The following C3orf20 variants were observed in gnomAD, a reference collection of about 807,000 sequenced individuals.
C3orf20 encodes uncharacterized protein C3orf20.
A neutral mutation model predicts 88.3 loss-of-function variants in C3orf20; 76 were observed. The ratio of observed to expected loss-of-function variants is 0.86; its 90% CI spans 0.72 to 1.04. The LOEUF (loss-of-function observed/expected upper bound fraction) is 1.04. C3orf20 is among the 50% of genes least tolerant of loss of function. The pLI is 0.00. For missense variants in C3orf20, 1,056 were observed against 1,123.3 expected (o/e 0.94, Z 0.86); for synonymous variants, 436 against 437.4 (o/e 1.00, Z 0.04).
At chr3:14,770,121 T>C (rs114935229) in intron 15 of C3orf20, among the ~76,000 whole-genome samples, 4,675 of 152,194 alleles carry the variant, frequency 0.031, 238 homozygotes, top group African/African-American at 0.11. Flanking sequence ...CCCTCCACCC[T>C]GCCCCCTGAG....
chr3:14,682,666 T>G lies in C3orf20; in HGVS notation c.-48T>G. On this transcript the variant is annotated 5_prime_UTR_variant, in exon 3 of 17. Coordinates refer to ENST00000253697, the MANE Select transcript of C3orf20 (RefSeq NM_032137.5). ...CTTCACCGTAGGGAAGAACTTTTGCTCTCAGTCACCTCTCAGAGAGCTCTC... is the reference window on the plus strand; with the variant it reads ...CTTCACCGTAGGGAAGAACTTTTGCGCTCAGTCACCTCTCAGAGAGCTCTC... 1.3e-6 allele frequency: 2 copies of G among 1,549,674 alleles called. No homozygotes were observed. The highest frequency in any genetic ancestry group is 1.7e-6 in the Non-Finnish European group (2 of 1,150,098).
intron 7 of C3orf20, 29 bp from the exon 8 acceptor site, chr3:14,713,978 T>C (rs1179556759): frequency 6.8e-6 from 11 of 1,612,826 alleles, no homozygotes; most frequent in Non-Finnish European, 9.3e-6. Context: ...GGGAGTTTTC[T>C]GTTAGTTCTA....
intron 7 of C3orf20, among the ~76,000 whole-genome samples, chr3:14,712,738 C>T (rs1163852340): frequency 1.3e-5 from 2 of 152,064 alleles, no homozygotes; most frequent in East Asian, 3.9e-4. Context: ...GTTAACTTTA[C>T]CAGTGTTCTT....
chr3:14,735,073 C>T (rs1417809956), intron 12 of C3orf20, among the ~76,000 whole-genome samples: 2 of 139,334 alleles, frequency 1.4e-5, no homozygotes, highest in South Asian at 5.0e-4. Context: ...CCTTTCTGCT[C>T]CTTTATTTTA....
At chr3:14,682,380 C>A (rs770911119) in intron 2 of C3orf20, 49 bp downstream of exon 2, 3 of 235,914 alleles carry the variant, frequency 1.3e-5, no homozygotes, top group Non-Finnish European at 2.5e-5. Context: ...TCCTCCAGCC[C>A]CCCCAGGGTC....
chr3:14,772,356 G>A lies in C3orf20; in HGVS notation c.2630+155G>A, dbSNP rs1169594814. ...CCATGTAATCAACACAATATTGGGC[G>A]GGCATGCAGGCTGCCCTGGAGCTGC... On this transcript the variant is annotated intron_variant, in intron 16 of 16. Coordinates refer to ENST00000253697, the MANE Select transcript of C3orf20 (RefSeq NM_032137.5). The surrounding 1 kb of genome is among the most constrained non-coding windows in gnomAD (Gnocchi z 4.2). Among the ~76,000 whole-genome samples the A allele has an allele frequency of 6.6e-6, 1 of 152,170 alleles. No homozygotes were observed. Among genetic ancestry groups the A allele is most frequent in the Admixed American group, 6.5e-5 (1 of 15,290 alleles).
chr3:14,728,840 A>G, intron 12 of C3orf20, 152 bp downstream of exon 12: 1 of 745,642 alleles, frequency 1.3e-6, no homozygotes, highest in Non-Finnish European at 2.1e-6. Context: ...AATAAATGAT[A>G]TAATTTTAGG....
At chr3:14,766,603 T>C (rs1292071564) in intron 15 of C3orf20, among the ~76,000 whole-genome samples, 1 of 152,182 alleles carries the variant, frequency 6.6e-6, no homozygotes, top group Non-Finnish European at 1.5e-5. Context: ...AGTCACTATT[T>C]GCAGGCCCCT....
At chr3:14,748,622 A>G (rs1291018613) in intron 12 of C3orf20, among the ~76,000 whole-genome samples, 1 of 152,142 alleles carries the variant, frequency 6.6e-6, no homozygotes. Flanking sequence ...CTCTCAGTGT[A>G]TCCCTTAAGT....
chr3:14,724,010 G>C (rs1468519398), intron 10 of C3orf20, among the ~76,000 whole-genome samples: 3 of 151,856 alleles, frequency 2.0e-5, no homozygotes, highest in Non-Finnish European at 4.4e-5. Context: ...GTAGAGACAG[G>C]GTTTCACCAT....
chr3:14,760,022 C>G, intron 14 of C3orf20, 24 bp downstream of exon 14: 1 of 1,537,296 alleles, frequency 6.5e-7, no homozygotes, highest in Non-Finnish European at 9.0e-7. Flanking sequence ...GACTTGCTAT[C>G]CACTGCCTGC....
chr3:14,684,411 A>T, intron 4 of C3orf20, 29 bp downstream of exon 4: 2 of 1,607,778 alleles, frequency 1.2e-6, no homozygotes, highest in Non-Finnish European at 1.7e-6. Flanking sequence ...ACCCTTAGGT[A>T]AGAAGTGCAA....
intron 12 of C3orf20, among the ~76,000 whole-genome samples, chr3:14,733,324 C>T (rs535868721): frequency 1.5e-3 from 225 of 152,232 alleles, no homozygotes; most frequent in African/African-American, 5.3e-3. Flanking sequence ...CTGACATAAA[C>T]TCAACTTGGT....
chr3:14,742,703 C>G lies in C3orf20; in HGVS notation c.1940+14015C>G, dbSNP rs528108303. Among the ~76,000 whole-genome samples the G allele has an allele frequency of 9.2e-5, 14 of 152,028 alleles. No individual in the cohort carries two copies. The East Asian group carries it at 1.4e-3, about 15-fold the overall frequency. ...ATAAAGACATACCCGAAACTGGGAA[C>G]AAAAAAAGGTTTAATTGGACTTACA... On this transcript the variant is annotated intron_variant, in intron 12 of 16. Transcript: ENST00000253697.
At chr3:14,744,333 C>T (rs558029658) in intron 12 of C3orf20, among the ~76,000 whole-genome samples, 6 of 151,956 alleles carry the variant, frequency 3.9e-5, no homozygotes, top group Non-Finnish European at 7.4e-5. Context: ...CCAACAAGTT[C>T]CTCATCTCCA....
At chr3:14,687,377 A>G (rs960096199) in intron 4 of C3orf20, among the ~76,000 whole-genome samples, 1 of 152,174 alleles carries the variant, frequency 6.6e-6, no homozygotes, top group Non-Finnish European at 1.5e-5. Flanking sequence ...ACTCTTACCC[A>G]CAGTGTTTAC....
At chr3:14,767,596 T>C (rs2035750385) in intron 15 of C3orf20, among the ~76,000 whole-genome samples, 1 of 152,374 alleles carries the variant, frequency 6.6e-6, no homozygotes, top group African/African-American at 2.4e-5. Context: ...TAAACTGTCA[T>C]GTGCCCTGTG....
At chr3:14,718,725 T>TG (rs1166194574) in intron 9 of C3orf20, among the ~76,000 whole-genome samples, 1 of 152,266 alleles carries the variant, frequency 6.6e-6, no homozygotes, top group Non-Finnish European at 1.5e-5. Flanking sequence ...TTGGTTAGAC[T>TG]GAAACCACAA....
rs2035765827 is a variant in C3orf20 at position 14,768,083 on chromosome 3, TAC to T, written c.2496-3982_2496-3981del. ...TATCCAGATGGGAGGGGAAGCTCTTTACAGCTGCGCCACTTGGTAGCACCCCT... is the reference window on the plus strand; with the variant it reads ...TATCCAGATGGGAGGGGAAGCTCTTTAGCTGCGCCACTTGGTAGCACCCCT... On this transcript the variant is annotated intron_variant, in intron 15 of 16. Coordinates refer to ENST00000253697, the MANE Select transcript of C3orf20 (RefSeq NM_032137.5). The surrounding 1 kb of genome is among the most constrained non-coding windows in gnomAD (Gnocchi z 4.1). Among the ~76,000 whole-genome samples, 1 of 152,192 alleles carries T rather than the reference TAC, an allele frequency of 6.6e-6. No homozygotes were observed. The highest frequency in any genetic ancestry group is 2.4e-5 in the African/African-American group (1 of 41,444).
Sources: allele counts gnomAD v4.1 joint callset (sites outside exome capture counted in the v4.1 genomes callset), GRCh38; gene constraint gnomAD v4.1.1; non-coding constraint Gnocchi (gnomAD v3.1); transcripts MANE v1.5; gene names NCBI Gene and HGNC (gene_info 2026-07-23, HGNC 2026-07-21).